PRKCB: variants seen among roughly 807,000 people sequenced by gnomAD.
PRKCB encodes the protein protein kinase C beta type.
Under a neutral mutation model 81.5 loss-of-function variants are expected in PRKCB, and 13 were observed. That is an observed-to-expected ratio of 0.16 (90% CI 0.10 to 0.25). The LOEUF is 0.25. PRKCB is among the 10% of genes least tolerant of loss of function. The pLI is 1.00. For synonymous variants in PRKCB, 335 were observed against 321.4 expected (o/e 1.04, Z -0.45); for missense variants, 509 against 875.7 (o/e 0.58, Z 5.29).
chr16:23,890,683 A>G (rs1416414602), intron 2 of PRKCB, among the ~76,000 whole-genome samples: 1 of 151,860 alleles, frequency 6.6e-6, no homozygotes, highest in East Asian at 1.9e-4. Context: ...GACTCTTTCC[A>G]CTGTACCCTG....
chr16:24,125,754 G>A (rs1180396411), intron 9 of PRKCB, among the ~76,000 whole-genome samples: 1 of 152,148 alleles, frequency 6.6e-6, no homozygotes, highest in Admixed American at 6.5e-5. Flanking sequence ...TTGAATGCGT[G>A]GATTCTCTCT....
chr16:24,110,510 C>G (rs75611585), intron 7 of PRKCB, among the ~76,000 whole-genome samples: 5 of 111,176 alleles, frequency 4.5e-5, no homozygotes, highest in East Asian at 2.3e-4. Context: ...CATGCCCAAC[C>G]TTTTTTTTTT....
intron 5 of PRKCB, among the ~76,000 whole-genome samples, chr16:24,081,043 T>A (rs1365648605): frequency 1.3e-5 from 2 of 152,220 alleles, no homozygotes. Context: ...GTTCGTCATT[T>A]GTGTTTTGCA....
At chr16:24,143,184 G>A (rs1320834767) in intron 9 of PRKCB, among the ~76,000 whole-genome samples, 1 of 152,078 alleles carries the variant, frequency 6.6e-6, no homozygotes, top group Non-Finnish European at 1.5e-5. Flanking sequence ...CCAGTCTGGT[G>A]TGCAGTGGCA....
At chr16:24,093,403 G>A (rs1036099974) in intron 6 of PRKCB, among the ~76,000 whole-genome samples, 11 of 152,190 alleles carry the variant, frequency 7.2e-5, no homozygotes, top group African/African-American at 2.7e-4. Context: ...AGGGCTCCAA[G>A]AATCTGGGAG....
chr16:23,875,496 TATATATATATG>T (rs769455498), intron 2 of PRKCB, among the ~76,000 whole-genome samples: 2 of 119,908 alleles, frequency 1.7e-5, no homozygotes, highest in African/African-American at 3.1e-5. Context: ...TATATATATA[TATATATATATG>T]ATGTATATCA....
chr16:23,998,744 C>T (rs1294256974), intron 3 of PRKCB, among the ~76,000 whole-genome samples: 2 of 152,170 alleles, frequency 1.3e-5, no homozygotes, highest in East Asian at 1.9e-4. Flanking sequence ...CAATGAATAA[C>T]AGTGCACACA....
intron 2 of PRKCB, among the ~76,000 whole-genome samples, chr16:23,985,441 T>C (rs1964791705): frequency 6.6e-6 from 1 of 152,112 alleles, no homozygotes; most frequent in Non-Finnish European, 1.5e-5. Context: ...GGAAACAAAA[T>C]GAAGACATGT....
At chr16:24,052,374 T>G (rs1596529144) in intron 5 of PRKCB, among the ~76,000 whole-genome samples, 1 of 152,030 alleles carries the variant, frequency 6.6e-6, no homozygotes, top group East Asian at 1.9e-4. Context: ...CCAAGAGAGG[T>G]TCTTAGGTCT....
intron 15 of PRKCB, among the ~76,000 whole-genome samples, chr16:24,187,653 GT>G (rs1967724201): frequency 6.9e-6 from 1 of 145,578 alleles, no homozygotes; most frequent in Non-Finnish European, 1.5e-5. Flanking sequence ...GGCACAAGGT[GT>G]TTTTGTTTTG....
intron 2 of PRKCB, 47 bp from the exon 3 acceptor site, chr16:23,988,461 C>G: frequency 6.6e-7 from 1 of 1,511,372 alleles, no homozygotes; most frequent in Non-Finnish European, 9.2e-7. Context: ...TTCCTCCTCT[C>G]CGCTTTCCTT....
At position 24,218,604 on chromosome 16, in the gene PRKCB, C is replaced by G. The variant is rs1968270200; in HGVS notation, c.*3788C>G. ...TCTCAGGGGAGCAGCCACAAAGAAG[C>G]AAGTCTTGTAAAAGGTCTTTTGCAA... On this transcript the variant is annotated 3_prime_UTR_variant, in exon 17 of 17. Transcript: ENST00000643927. 1.0e-6 allele frequency: 1 copy of G among 985,266 alleles called. No homozygotes were observed. The highest frequency in any genetic ancestry group is 1.2e-6 in the Non-Finnish European group (1 of 829,986). 61.0% of individuals were successfully genotyped at this position (985,266 alleles called of 1,614,324 possible). A position where few individuals can be genotyped will look rare whatever the true frequency, so the allele number is the denominator to read the frequency against.
intron 3 of PRKCB, among the ~76,000 whole-genome samples, chr16:24,021,223 TTTCTTTCTTTCC>T (rs1340150721): frequency 0.036 from 910 of 25,350 alleles, 52 homozygotes; most frequent in African/African-American, 0.091. Context: ...TCTTTCTTTC[TTTCTTTCTTTCC>T]TTCCTTCCTT....
chr16:24,087,701 G>T (rs182328664), intron 5 of PRKCB, among the ~76,000 whole-genome samples: 53 of 152,326 alleles, frequency 3.5e-4, no homozygotes, highest in Non-Finnish European at 5.6e-4. Context: ...ACAGATAATT[G>T]TATCTTCTTA....
chr16:24,215,174 A>G lies in PRKCB; in HGVS notation c.*358A>G. The stretch of plus-strand genomic sequence containing the variant: ...TCACCCCCAACCATCCAATCTGTGG[A>G]TAATTGGATGTTAGCGGTACTCTTC... On this transcript the variant is annotated 3_prime_UTR_variant, in exon 17 of 17. Transcript: ENST00000643927. The G allele has an allele frequency of 9.6e-7, 1 of 1,040,172 alleles. No homozygotes were observed. Among genetic ancestry groups the G allele is most frequent in the Non-Finnish European group, 1.2e-6 (1 of 862,614 alleles). 64.4% of individuals were successfully genotyped at this position (1,040,172 alleles called of 1,614,324 possible).
intron 2 of PRKCB, among the ~76,000 whole-genome samples, chr16:23,882,838 TC>T (rs1478809079): frequency 6.7e-6 from 1 of 149,122 alleles, no homozygotes; most frequent in Non-Finnish European, 1.5e-5. Flanking sequence ...TCCTCCTACC[TC>T]AGCCTCCCAA....
chr16:24,177,430 A>C (rs1054674936), intron 12 of PRKCB, among the ~76,000 whole-genome samples: 1 of 152,196 alleles, frequency 6.6e-6, no homozygotes, highest in African/African-American at 2.4e-5. Context: ...GCCAGTCTGC[A>C]TCTGAACCCT....
At chr16:24,094,351 G>C in intron 7 of PRKCB, 54 bp downstream of exon 7, 2 of 1,585,260 alleles carry the variant, frequency 1.3e-6, no homozygotes, top group Non-Finnish European at 1.7e-6. Context: ...ATCAAACGCG[G>C]GGTCAAGTAT....
At chr16:24,077,211 G>A (rs1008481688) in intron 5 of PRKCB, among the ~76,000 whole-genome samples, 2 of 152,106 alleles carry the variant, frequency 1.3e-5, no homozygotes, top group African/African-American at 2.4e-5. Context: ...TGTGTCTACG[G>A]TGGTGAAGAA....
Sources: allele counts gnomAD v4.1 joint callset (sites outside exome capture counted in the v4.1 genomes callset), GRCh38; gene constraint gnomAD v4.1.1; transcripts MANE v1.5; gene names NCBI Gene and HGNC (gene_info 2026-07-23, HGNC 2026-07-21).